The following ARAP1 variants were observed in gnomAD, a reference collection of about 807,000 sequenced individuals.
The protein encoded by ARAP1 is ArfGAP with RhoGAP domain, ankyrin repeat and PH domain 1, also known as arf-GAP with Rho-GAP domain, ANK repeat and PH domain-containing protein 1.
Under a neutral mutation model 172.2 loss-of-function variants are expected in ARAP1, and 76 were observed. The observed-to-expected ratio is 0.44, with a 90% CI of 0.37 to 0.53. The LOEUF is 0.53. Among genes scored for constraint, ARAP1 ranks in the 20% least tolerant of loss-of-function variants. The pLI is 0.00. For missense variants in ARAP1, 1,686 were observed against 1,977.5 expected (o/e 0.85, Z 2.80); for synonymous variants, 804 against 803.3 (o/e 1.00, Z -0.01).
In ARAP1 at chr11:72,714,138, G is replaced by C; in HGVS notation, c.679+14C>G. On this transcript the variant is annotated intron_variant, in intron 4 of 34. Transcript: ENST00000393609. ...CATCCACCCAGAGCCCCATCTCCTG[G>C]CTGCAGCACTCACCGAACTCTGGGA... 1 of 1,453,010 alleles carries C rather than the reference G, an allele frequency of 6.9e-7. No individual in the cohort carries two copies. Among genetic ancestry groups the C allele is most frequent in the Non-Finnish European group, 9.0e-7 (1 of 1,107,188 alleles). 90.0% of individuals were successfully genotyped at this position (1,453,010 alleles called of 1,614,324 possible).
chr11:72,714,524 C>T (rs1439803659), intron 3 of ARAP1, among the ~76,000 whole-genome samples: 1 of 152,190 alleles, frequency 6.6e-6, no homozygotes, highest in Non-Finnish European at 1.5e-5. Context: ...AGGAAGCAGG[C>T]ACCCTCTTTG....
rs556952780 is a variant in ARAP1 at position 72,695,516 on chromosome 11, C to A, written c.3507+26G>T. 4 of 1,613,770 alleles carry A rather than the reference C, an allele frequency of 2.5e-6. No individual in the cohort carries two copies. The African/African-American group carries it at 5.3e-5, about 22-fold the overall frequency. On this transcript the variant is annotated intron_variant, in intron 25 of 34. Coordinates refer to ENST00000393609, the MANE Select transcript of ARAP1 (RefSeq NM_001040118.3). This position sits in a 1 kb window ranked among gnomAD's most constrained non-coding sequence, Gnocchi z 4.4. ...AATGGGTGCAGGTGGCAGGTCCAAG[C>A]CCCCCACCCAGGCTCCAGCCTTCAC...
intron 14 of ARAP1, chr11:72,703,413 G>T (rs891343507): frequency 1.2e-4 from 20 of 173,112 alleles, no homozygotes; most frequent in African/African-American, 2.2e-4. Context: ...GGAGCCGGGG[G>T]GGGGGTGTGC....
At position 72,692,678 on chromosome 11, in the gene ARAP1, T is replaced by C. The variant is rs1237244936; in HGVS notation, c.3987+75A>G. The C allele has an allele frequency of 1.9e-6, 3 of 1,584,098 alleles. No homozygotes were observed. In the Admixed American group the frequency reaches 5.0e-5, roughly 26 times the overall value. On this transcript the variant is annotated intron_variant, in intron 30 of 34. Coordinates refer to ENST00000393609, the MANE Select transcript of ARAP1 (RefSeq NM_001040118.3). ...GAGATGGCCAGGAGCCCTGGCTGTC[T>C]CCCCATGCTCCCACCCAGCTCATTT... is the stretch of plus-strand genomic sequence containing the variant.
In ARAP1 at chr11:72,703,565, C is replaced by T. The variant is rs187089083; in HGVS notation, c.1993-486G>A. Among the ~76,000 whole-genome samples the T allele has an allele frequency of 9.9e-5, 15 of 152,276 alleles. No homozygotes were observed. In the East Asian group the frequency reaches 2.9e-3, roughly 29 times the overall value. ...CGCCTGGGTCCCTGGGAGGTGGAGGCCTGACTCCCACCGGGCTTCTAGCTG... is the reference window on the plus strand; with the variant it reads ...CGCCTGGGTCCCTGGGAGGTGGAGGTCTGACTCCCACCGGGCTTCTAGCTG... On this transcript the variant is annotated intron_variant, in intron 14 of 34. Coordinates refer to ENST00000393609, the MANE Select transcript of ARAP1 (RefSeq NM_001040118.3).
At position 72,685,601 on chromosome 11, in the gene ARAP1, A is replaced by G. The variant is rs1179360621; in HGVS notation, c.*63T>C. On this transcript the variant is annotated 3_prime_UTR_variant, in exon 35 of 35. Coordinates refer to ENST00000393609, the MANE Select transcript of ARAP1 (RefSeq NM_001040118.3). The stretch of plus-strand genomic sequence containing the variant: ...GGCTCACATCAGGCCTTGGAGCATA[A>G]GGGGTGTCTGAACAGAAGGCTTCCA... 5 of 1,610,580 alleles carry G rather than the reference A, an allele frequency of 3.1e-6. No individual in the cohort carries two copies. Among genetic ancestry groups the G allele is most frequent in the Middle Eastern group, 1.7e-4 (1 of 6,054 alleles).
chr11:72,710,976 C>T lies in ARAP1; in HGVS notation c.1213+45G>A, dbSNP rs1348332520. 2 of 1,611,818 alleles carry T rather than the reference C, an allele frequency of 1.2e-6. No individual in the cohort carries two copies. The highest frequency in any genetic ancestry group is 2.2e-5 in the South Asian group (2 of 90,688). ...CTCCTCTGCCCAAACTTCCAGTCTT[C>T]TCTACCCTCTTCTACACACACACAC... On this transcript the variant is annotated intron_variant, in intron 9 of 34. Coordinates refer to ENST00000393609, the MANE Select transcript of ARAP1 (RefSeq NM_001040118.3). The surrounding 1 kb of genome is among the most constrained non-coding windows in gnomAD (Gnocchi z 4.3).
chr11:72,685,930 G>A, intron 34 of ARAP1, 112 bp downstream of exon 34: 1 of 1,584,684 alleles, frequency 6.3e-7, no homozygotes. Flanking sequence ...GGAGGGAGGG[G>A]GCCGGAGGGC....
In ARAP1 at chr11:72,687,575, AG is replaced by A. The variant is rs918659426; in HGVS notation, c.4122-74del. On this transcript the variant is annotated intron_variant, in intron 32 of 34. Transcript: ENST00000393609. ...CAGGGAACACCGTGTCTGCCTTCCC[AG>A]CCCAGGGTCTGCTAGTGGTCACAGA... 10 of 1,612,796 alleles carry A rather than the reference AG, an allele frequency of 6.2e-6. No homozygotes were observed. The African/African-American group carries it at 1.2e-4, about 19-fold the overall frequency.
chr11:72,691,929 T>C (rs1855949624), intron 30 of ARAP1, among the ~76,000 whole-genome samples: 1 of 152,126 alleles, frequency 6.6e-6, no homozygotes, highest in Non-Finnish European at 1.5e-5. Flanking sequence ...ACAACCTAGA[T>C]CCCTCGCTTG....
intron 3 of ARAP1, 132 bp from the exon 4 acceptor site, chr11:72,714,453 C>A: frequency 1.1e-6 from 1 of 882,028 alleles, no homozygotes; most frequent in South Asian, 1.7e-5. Flanking sequence ...AGCCCTCCTG[C>A]ACACAGTCCT....
In ARAP1 at chr11:72,695,012, G is replaced by A; in HGVS notation, c.3662C>T (p.Thr1221Ile). ...CTCCCTCTCGTTGACCTCAAAGCAG[G>A]TCCAATAGTCCTTCTCCCTGATGCC... Reference protein sequence around the residue: ...NVGIREKDYWTCFEVNEREEA... With the variant: ...NVGIREKDYWICFEVNEREEA... Residue 1221 changes from threonine (T) to isoleucine (I), a missense_variant, in exon 27 of 35, where the codon ACC (threonine) becomes ATC (isoleucine). By Grantham distance (89) the Thr-to-Ile change is moderately conservative. Transcript: ENST00000393609. The surrounding 1 kb of genome is among the most constrained non-coding windows in gnomAD (Gnocchi z 4.4). 2.5e-6 allele frequency: 4 copies of A among 1,614,094 alleles called. No homozygotes were observed. Among genetic ancestry groups the A allele is most frequent in the East Asian group, 2.2e-5 (1 of 44,884 alleles).
chr11:72,722,940 C>G (rs956088657), intron 3 of ARAP1, among the ~76,000 whole-genome samples: 2 of 152,138 alleles, frequency 1.3e-5, no homozygotes, highest in African/African-American at 4.8e-5. Flanking sequence ...TTCCCTTCTG[C>G]AGGGCTGGGT....
chr11:72,697,450 G>T lies in ARAP1; in HGVS notation c.2826C>A (p.Phe942Leu). 2 of 1,613,068 alleles carry T rather than the reference G, an allele frequency of 1.2e-6. No individual in the cohort carries two copies. Among genetic ancestry groups the T allele is most frequent in the Non-Finnish European group, 1.7e-6 (2 of 1,179,812 alleles). Residue 942 changes from phenylalanine to leucine, a missense_variant, in exon 21 of 35, where the codon TTC becomes TTA. By Grantham distance (22) the Phe-to-Leu change is conservative. Around this residue, in one of 5 missense-constraint regions of ARAP1, gnomAD observed 274 missense variants for 262.7 expected, o/e 1.04. Coordinates refer to ENST00000393609, the MANE Select transcript of ARAP1 (RefSeq NM_001040118.3). ...LYIQGERRLD[F>L]MGWLGAIQKA... ...TCTGGATGGCCCCCAGCCAACCCAT[G>T]AAGTCCAGCCGCCGCTCGCCCTGTA...
chr11:72,716,992 G>A (rs1857301733), intron 3 of ARAP1, among the ~76,000 whole-genome samples: 2 of 152,154 alleles, frequency 1.3e-5, no homozygotes, highest in Non-Finnish European at 2.9e-5. Flanking sequence ...CATGACCTGA[G>A]TCCCTTTGGG....
intron 1 of ARAP1, among the ~76,000 whole-genome samples, chr11:72,738,900 C>T (rs1219956473): frequency 6.6e-6 from 1 of 152,222 alleles, no homozygotes; most frequent in African/African-American, 2.4e-5. Flanking sequence ...AACAACCCCA[C>T]AGCCCAATAC....
chr11:72,708,049 G>T (rs1204413521), intron 11 of ARAP1: 1 of 151,770 alleles, frequency 6.6e-6, no homozygotes, highest in Non-Finnish European at 1.5e-5. Context: ...AGGGTGGGAG[G>T]CCCTGGTTGA....
intron 3 of ARAP1, among the ~76,000 whole-genome samples, 164 bp from the exon 4 acceptor site, chr11:72,714,485 A>C (rs1367301659): frequency 6.6e-6 from 1 of 152,130 alleles, no homozygotes; most frequent in Non-Finnish European, 1.5e-5. Context: ...CTCCCAGACC[A>C]AAACCCCTCC....
intron 15 of ARAP1, among the ~76,000 whole-genome samples, chr11:72,702,472 T>G (rs1165427921): frequency 6.6e-6 from 1 of 152,018 alleles, no homozygotes; most frequent in Admixed American, 6.5e-5. Flanking sequence ...AGGATTGAGC[T>G]CCACCCAAGC....
Sources: allele counts gnomAD v4.1 joint callset (sites outside exome capture counted in the v4.1 genomes callset), GRCh38; gene constraint gnomAD v4.1.1; regional missense constraint gnomAD v4.1.1; non-coding constraint Gnocchi (gnomAD v3.1); transcripts MANE v1.5; gene names NCBI Gene and HGNC (gene_info 2026-07-23, HGNC 2026-07-21).